The following GORAB variants were observed in gnomAD, a reference collection of about 807,000 sequenced individuals.
GORAB encodes RAB6-interacting golgin.
In GORAB, 17 loss-of-function variants were observed where a neutral mutation model predicts 29.9. That is an observed-to-expected ratio of 0.57 (90% CI 0.39 to 0.85). GORAB has a LOEUF of 0.85. Among genes scored for constraint, GORAB ranks in the 40% least tolerant of loss-of-function variants. GORAB has a pLI of 0.00. For missense variants in GORAB, 442 were observed against 437.8 expected (o/e 1.01, Z -0.09); for synonymous variants, 183 against 157.2 (o/e 1.16, Z -1.23).
At chr1:170,542,203 C>T (rs1349179843) in intron 2 of GORAB, among the ~76,000 whole-genome samples, 1 of 152,084 alleles carries the variant, frequency 6.6e-6, no homozygotes, top group African/African-American at 2.4e-5. Context: ...AAACACATGC[C>T]ACAGTATTCT....
At position 170,544,839 on chromosome 1, in the gene GORAB, A is replaced by T; in HGVS notation, c.656A>T (p.Tyr219Phe). The change falls in exon 4 of 5, where the codon TAC becomes TTC. Residue 219 changes from tyrosine (Y) to phenylalanine (F), a missense_variant. By Grantham distance (22) the Tyr-to-Phe change is conservative (BLOSUM62 3). Transcript: ENST00000367763. ...RIDQASLDYS[Y>F]ARKRFDRAEA... ...GATCAGGCCAGCTTAGACTATTCATACGCTCGGTGAGTTGGGGAAATTGAA... is the reference window on the plus strand; with the variant it reads ...GATCAGGCCAGCTTAGACTATTCATTCGCTCGGTGAGTTGGGGAAATTGAA... 6.2e-7 allele frequency: 1 copy of T among 1,608,802 alleles called. No individual in the cohort carries two copies. Among genetic ancestry groups the T allele is most frequent in the Non-Finnish European group, 8.5e-7 (1 of 1,175,660 alleles).
chr1:170,533,732 C>T (rs778699225), intron 1 of GORAB: 24 of 347,292 alleles, frequency 6.9e-5, no homozygotes, highest in Non-Finnish European at 1.1e-4. Context: ...TCTTTGCAAC[C>T]GGGGGTAGAT....
At chr1:170,551,715 A>G (rs1223532781) in intron 4 of GORAB, among the ~76,000 whole-genome samples, 1 of 152,214 alleles carries the variant, frequency 6.6e-6, no homozygotes, top group Non-Finnish European at 1.5e-5. Context: ...CCCCAGAACT[A>G]GCATACCACT....
intron 4 of GORAB, among the ~76,000 whole-genome samples, chr1:170,550,237 G>A (rs768925002): frequency 2.6e-5 from 4 of 152,134 alleles, no homozygotes; most frequent in Non-Finnish European, 4.4e-5. Flanking sequence ...AGTGGTTCAC[G>A]GCATGGCCTG....
chr1:170,551,936 GTTA>G, intron 4 of GORAB, 76 bp from the exon 5 acceptor site: 2 of 1,261,516 alleles, frequency 1.6e-6, no homozygotes, highest in Admixed American at 1.9e-5. Flanking sequence ...TTGGAGTTGA[GTTA>G]TTGTTTCTAG....
intron 3 of GORAB, 77 bp from the exon 4 acceptor site, chr1:170,544,628 C>A: frequency 8.0e-7 from 1 of 1,244,324 alleles, no homozygotes; most frequent in Non-Finnish European, 1.2e-6. Context: ...CAGTATCTTG[C>A]TTTTTCACTT....
rs1039575726 is a variant in GORAB at position 170,552,372 on chromosome 1, C to T, written c.1020C>T (p.Asp340=). 1 of 1,614,056 alleles carries T rather than the reference C, an allele frequency of 6.2e-7. No homozygotes were observed. The highest frequency in any genetic ancestry group is 1.3e-5 in the African/African-American group (1 of 75,030). Reference sequence around the variant, plus strand: ...AAGCTGTTTCCCCAAAGGTAGATGACCAGTGTGGAAATTCCAGTAGCATCC... The same window carrying T: ...AAGCTGTTTCCCCAAAGGTAGATGATCAGTGTGGAAATTCCAGTAGCATCC... ...QEQAVSPKVD[D]QCGNSSSIPF... is the part of the protein sequence containing the mutation. The change falls in exon 5 of 5, where the codon GAC becomes GAT. Residue 340 remains aspartate, a synonymous_variant. Coordinates refer to ENST00000367763, the MANE Select transcript of GORAB (RefSeq NM_152281.3).
At chr1:170,542,982 T>C (rs925737021) in intron 3 of GORAB, among the ~76,000 whole-genome samples, 7 of 152,214 alleles carry the variant, frequency 4.6e-5, no homozygotes, top group African/African-American at 1.7e-4. Context: ...AATAAGGTTT[T>C]CTACATAAGT....
chr1:170,539,649 G>A, intron 2 of GORAB, 82 bp downstream of exon 2: 2 of 1,442,722 alleles, frequency 1.4e-6, no homozygotes, highest in Non-Finnish European at 1.9e-6. Flanking sequence ...AATATAATTT[G>A]TTTATTTTAA....
rs1382230036 is a variant in GORAB at position 170,542,481 on chromosome 1, T to C, written c.420-10T>C. On this transcript the variant is annotated splice_polypyrimidine_tract_variant and intron_variant, in intron 2 of 4. Transcript: ENST00000367763. ...CATAAACTCATTTTTATGCTTTTTT[T>C]GCCCCCTAGGCAAGAAAAATCTCGT... 1.9e-6 allele frequency: 3 copies of C among 1,586,850 alleles called. No individual in the cohort carries two copies. Among genetic ancestry groups the C allele is most frequent in the African/African-American group, 2.7e-5 (2 of 74,380 alleles).
At position 170,552,135 on chromosome 1, in the gene GORAB, C is replaced by T; in HGVS notation, c.783C>T (p.Leu261=). 6.2e-7 allele frequency: 1 copy of T among 1,614,022 alleles called. No individual in the cohort carries two copies. Among genetic ancestry groups the T allele is most frequent in the Non-Finnish European group, 8.5e-7 (1 of 1,179,960 alleles). The change falls in exon 5 of 5, where the codon CTC becomes CTT. Residue 261 remains leucine (L), a synonymous_variant. Transcript: ENST00000367763. The part of the protein sequence containing the change: ...HLCTIIQQNE[L]RKAKKLEELM... The stretch of plus-strand genomic sequence containing the variant: ...GTACGATCATACAGCAAAATGAGCT[C>T]CGAAAGGCCAAGAAGTTGGAGGAGT...
chr1:170,533,748 A>G (rs1648864523), intron 1 of GORAB: 2 of 333,610 alleles, frequency 6.0e-6, no homozygotes, highest in Admixed American at 3.1e-5. Context: ...TAGATAGAGG[A>G]TGGTGAGGAC....
intron 3 of GORAB, among the ~76,000 whole-genome samples, chr1:170,543,948 CATG>C (rs1649599561): frequency 6.6e-6 from 1 of 152,116 alleles, no homozygotes; most frequent in African/African-American, 2.4e-5. Context: ...TGCTATGTAA[CATG>C]GTGGATTTAT....
At chr1:170,535,679 T>A (rs1649016559) in intron 1 of GORAB, among the ~76,000 whole-genome samples, 1 of 152,134 alleles carries the variant, frequency 6.6e-6, no homozygotes, top group Non-Finnish European at 1.5e-5. Flanking sequence ...TAGCTGGGAT[T>A]ACAGCTGTGT....
chr1:170,542,849 C>T (rs1240061501), intron 3 of GORAB, among the ~76,000 whole-genome samples: 1 of 152,040 alleles, frequency 6.6e-6, no homozygotes, highest in African/African-American at 2.4e-5. Flanking sequence ...TTAGTGCTCC[C>T]AGTTTTAACC....
intron 1 of GORAB, chr1:170,538,951 G>A (rs924333916): frequency 2.0e-6 from 1 of 511,638 alleles, no homozygotes; most frequent in African/African-American, 1.9e-5. Flanking sequence ...GTGACCTAAG[G>A]CCTAACTCAC....
intron 4 of GORAB, chr1:170,545,442 A>G: frequency 2.1e-6 from 2 of 968,150 alleles, no homozygotes; most frequent in Non-Finnish European, 2.5e-6. Flanking sequence ...GGTTTCAACC[A>G]TTGGCATTTT....
chr1:170,542,440 C>T, intron 2 of GORAB, 51 bp from the exon 3 acceptor site: 1 of 1,034,818 alleles, frequency 9.7e-7, no homozygotes, highest in Non-Finnish European at 1.5e-6. Flanking sequence ...GATAGGGTAG[C>T]AGTTTCTTTT....
intron 4 of GORAB, among the ~76,000 whole-genome samples, chr1:170,547,832 T>A (rs971018754): frequency 6.6e-6 from 1 of 152,182 alleles, no homozygotes. Context: ...TGGGTGTATG[T>A]TCTCCCTGCT....
Sources: gnomAD v4.1 joint callset for allele counts (sites outside exome capture counted in the v4.1 genomes callset) on GRCh38, gnomAD v4.1.1 for gene constraint, MANE v1.5 for transcripts, NCBI Gene and HGNC (gene_info 2026-07-23, HGNC 2026-07-21) for gene names.